The following PDZRN4 variants were observed in gnomAD, a reference collection of about 807,000 sequenced individuals.
The protein encoded by PDZRN4 is PDZ domain containing ring finger 4.
A neutral mutation model predicts 99.0 loss-of-function variants in PDZRN4; 70 were observed. The observed-to-expected ratio is 0.71, with a 90% confidence interval of 0.58 to 0.86. The LOEUF (loss-of-function observed/expected upper bound fraction) is 0.86. Ranked by LOEUF, PDZRN4 falls within the 40% of genes least tolerant of loss-of-function variation. PDZRN4 has a pLI of 0.00. For missense variants in PDZRN4, 1,474 were observed against 1,331.2 expected, an observed-to-expected ratio of 1.11 and a Z score of -1.67; for synonymous variants, 551 against 501.6, an observed-to-expected ratio of 1.10 and a Z score of -1.32.
At chr12:41,476,777 C>A (rs1172523182) in intron 3 of PDZRN4, among the ~76,000 whole-genome samples, 2 of 152,204 alleles carry the variant, frequency 1.3e-5, no homozygotes, top group Non-Finnish European at 2.9e-5. Context: ...GGTTCCCATG[C>A]CTGCCTGGCG....
chr12:41,465,313 T>C (rs1406946474), intron 3 of PDZRN4, among the ~76,000 whole-genome samples: 2 of 152,196 alleles, frequency 1.3e-5, no homozygotes. Flanking sequence ...AAAAATACGT[T>C]TACATTTTGA....
intron 3 of PDZRN4, among the ~76,000 whole-genome samples, chr12:41,342,000 A>G (rs1167417299): frequency 1.3e-5 from 2 of 151,980 alleles, no homozygotes. Context: ...ATAAAAACAA[A>G]CATATACACC....
At chr12:41,478,025 C>T (rs1355385012) in intron 3 of PDZRN4, 1 of 707,460 alleles carries the variant, frequency 1.4e-6, no homozygotes, top group Admixed American at 2.3e-5. Flanking sequence ...CTGCTTTGGT[C>T]TTTGTGACCA....
chr12:41,312,468 A>G (rs1670756017), intron 3 of PDZRN4, among the ~76,000 whole-genome samples: 1 of 152,098 alleles, frequency 6.6e-6, no homozygotes, highest in Admixed American at 6.6e-5. Flanking sequence ...GGCCTTCTGT[A>G]TTAGTCTGTT....
chr12:41,294,611 T>C (rs1346697748), intron 3 of PDZRN4, among the ~76,000 whole-genome samples: 1 of 152,130 alleles, frequency 6.6e-6, no homozygotes, highest in Non-Finnish European at 1.5e-5. Flanking sequence ...GTTTCTTTAT[T>C]AAAATAGAAT....
In PDZRN4 at chr12:41,233,803, G is replaced by C. The variant is rs189550213; in HGVS notation, c.843+39615G>C. Among the ~76,000 whole-genome samples the C allele has an allele frequency of 4.0e-3, 611 of 151,756 alleles. 4 individuals carry two copies. Among genetic ancestry groups the C allele is most frequent in the African/African-American group, 0.014 (578 of 41,402 alleles). On this transcript the variant is annotated intron_variant, in intron 3 of 9. Transcript: ENST00000402685. The stretch of plus-strand genomic sequence containing the variant: ...AGGACTGTTGTGTGGTGGGGGGAGC[G>C]GGGGGGAGATAGCATTAGGAGACAT...
chr12:41,404,152 A>G (rs1952325023), intron 3 of PDZRN4, among the ~76,000 whole-genome samples: 1 of 152,164 alleles, frequency 6.6e-6, no homozygotes, highest in Non-Finnish European at 1.5e-5. Flanking sequence ...TTTTATTTAA[A>G]TTATTTTTAA....
At chr12:41,536,487 T>A (rs1242343926) in intron 5 of PDZRN4, among the ~76,000 whole-genome samples, 1 of 152,154 alleles carries the variant, frequency 6.6e-6, no homozygotes, top group East Asian at 1.9e-4. Flanking sequence ...TTCCATATGA[T>A]ACTATAATGG....
intron 3 of PDZRN4, among the ~76,000 whole-genome samples, chr12:41,479,012 T>G (rs188731585): frequency 1.3e-5 from 2 of 152,340 alleles, no homozygotes; most frequent in Admixed American, 1.3e-4. Context: ...TTTTTCTCCC[T>G]TCCCAAAATA....
At chr12:41,572,064 G>A (rs1939491671) in intron 9 of PDZRN4, among the ~76,000 whole-genome samples, 1 of 152,018 alleles carries the variant, frequency 6.6e-6, no homozygotes, top group Admixed American at 6.5e-5. Flanking sequence ...CTTCAACCCC[G>A]AGTTTCCCAA....
At chr12:41,270,477 C>T (rs1428596970) in intron 3 of PDZRN4, among the ~76,000 whole-genome samples, 2 of 152,078 alleles carry the variant, frequency 1.3e-5, no homozygotes, top group South Asian at 2.1e-4. Flanking sequence ...TCATAAAACG[C>T]ATAGATGGCT....
intron 3 of PDZRN4, among the ~76,000 whole-genome samples, chr12:41,452,137 A>T (rs1168628728): frequency 6.6e-6 from 1 of 151,706 alleles, no homozygotes; most frequent in Non-Finnish European, 1.5e-5. Context: ...AAAGTGGCTA[A>T]TAGGACCTTA....
At position 41,188,786 on chromosome 12, in the gene PDZRN4, C is replaced by T; in HGVS notation, c.331C>T (p.Arg111Trp). ...GCACTGCGACTTCGGCCCTGCCCGC[C>T]GGCTCCGCAGCCGCGGGGGCTGCGC... ...VEHCDFGPAR[R>W]LRSRGGCASG... The change falls in exon 1 of 10, where the codon CGG becomes TGG. Residue 111 changes from arginine to tryptophan, a missense_variant. Arg to Trp is a moderately radical substitution (Grantham distance 101). Transcript: ENST00000402685. The T allele has an allele frequency of 1.5e-6, 2 of 1,375,328 alleles. No individual in the cohort carries two copies. Among genetic ancestry groups the T allele is most frequent in the Non-Finnish European group, 1.9e-6 (2 of 1,071,832 alleles). The allele number at this position is 1,375,328 out of a possible 1,614,324, so 85.2% of individuals were successfully genotyped here.
At chr12:41,500,351 C>T (rs751708990) in intron 3 of PDZRN4, among the ~76,000 whole-genome samples, 131 of 151,932 alleles carry the variant, frequency 8.6e-4, no homozygotes, top group Non-Finnish European at 1.0e-4. Flanking sequence ...TCCAGACAGA[C>T]AAGCAGAAGA....
intron 7 of PDZRN4, among the ~76,000 whole-genome samples, chr12:41,560,737 C>G (rs1200692955): frequency 6.6e-6 from 1 of 152,146 alleles, no homozygotes; most frequent in African/African-American, 2.4e-5. Context: ...ATTTCAGGAC[C>G]AAGAGCAACC....
intron 3 of PDZRN4, among the ~76,000 whole-genome samples, chr12:41,217,511 A>G (rs1950929219): frequency 6.6e-6 from 1 of 152,112 alleles, no homozygotes; most frequent in Non-Finnish European, 1.5e-5. Flanking sequence ...GAGAAAAAAA[A>G]TAGCAGGTTT....
chr12:41,432,810 A>G (rs543957647), intron 3 of PDZRN4, among the ~76,000 whole-genome samples: 19 of 152,360 alleles, frequency 1.2e-4, no homozygotes, highest in South Asian at 6.2e-4. Flanking sequence ...GGGGTTTCCA[A>G]AGAATAAGCA....
intron 3 of PDZRN4, among the ~76,000 whole-genome samples, chr12:41,438,322 T>C (rs1429189488): frequency 2.0e-5 from 3 of 152,206 alleles, no homozygotes; most frequent in African/African-American, 4.8e-5. Flanking sequence ...CTCTTTCATT[T>C]TGGAATACTG....
chr12:41,190,935 T>C (rs1265008932), intron 1 of PDZRN4, among the ~76,000 whole-genome samples: 2 of 152,230 alleles, frequency 1.3e-5, no homozygotes, highest in Admixed American at 1.3e-4. Context: ...GGAATATTAT[T>C]TAAAATTAGG....
Sources: allele counts gnomAD v4.1 joint callset (sites outside exome capture counted in the v4.1 genomes callset), GRCh38; gene constraint gnomAD v4.1.1; transcripts MANE v1.5; gene names NCBI Gene and HGNC (gene_info 2026-07-23, HGNC 2026-07-21).